AFAP1: variants seen among roughly 807,000 people sequenced by gnomAD.
AFAP1 encodes actin filament associated protein 1, also known as actin filament-associated protein 1.
AFAP1 carries 75 observed loss-of-function variants against 93.9 expected under a neutral mutation model. The ratio of observed to expected loss-of-function variants is 0.80; its 90% CI spans 0.66 to 0.97. The LOEUF is 0.97. Among genes scored for constraint, AFAP1 ranks in the 50% least tolerant of loss-of-function variants. The pLI, the probability that AFAP1 is intolerant of heterozygous loss-of-function variation, is 0.00. For synonymous variants in AFAP1, 517 were observed against 430.7 expected (o/e 1.20, Z -2.48); for missense variants, 1,201 against 1,050.8 (o/e 1.14, Z -1.98).
chr4:7,837,581 T>C (rs1206487355), intron 6 of AFAP1, among the ~76,000 whole-genome samples: 4 of 152,046 alleles, frequency 2.6e-5, no homozygotes, highest in Non-Finnish European at 4.4e-5. Context: ...ATCAGAGCAA[T>C]CCAAGTAGAC....
intron 10 of AFAP1, among the ~76,000 whole-genome samples, 184 bp downstream of exon 10, chr4:7,800,258 A>C (rs6839744): frequency 6.6e-6 from 1 of 151,938 alleles, no homozygotes; most frequent in African/African-American, 2.4e-5. Flanking sequence ...CCAGAAAAAA[A>C]ACTGAGGCAA....
intron 3 of AFAP1, among the ~76,000 whole-genome samples, chr4:7,860,265 TTG>T (rs572302681): frequency 6.6e-6 from 1 of 151,614 alleles, no homozygotes; most frequent in Admixed American, 6.6e-5. Flanking sequence ...GATTTTGATT[TTG>T]TGTGTGTGTG....
chr4:7,891,072 A>T lies in AFAP1; in HGVS notation c.-2-18992T>A, dbSNP rs190907092. 4.6e-5 allele frequency among the ~76,000 whole-genome samples: 7 copies of T among 152,372 alleles called. No homozygotes were observed. The East Asian group carries it at 1.3e-3, about 29-fold the overall frequency. Reference sequence around the variant, plus strand: ...TCACACAATGGAATCTTTTTCAGCAAGAAAAATAAATTACCAAAAAAAAAA... The same window carrying T: ...TCACACAATGGAATCTTTTTCAGCATGAAAAATAAATTACCAAAAAAAAAA... On this transcript the variant is annotated intron_variant, in intron 1 of 17. Transcript: ENST00000420658.
chr4:7,850,254 C>A (rs931415803), intron 4 of AFAP1, among the ~76,000 whole-genome samples: 1 of 152,178 alleles, frequency 6.6e-6, no homozygotes, highest in East Asian at 1.9e-4. Context: ...TCCCTGTGAA[C>A]CTGAAACTCT....
intron 10 of AFAP1, among the ~76,000 whole-genome samples, chr4:7,797,222 C>G (rs1404682076): frequency 1.3e-5 from 2 of 152,272 alleles, no homozygotes; most frequent in South Asian, 4.1e-4. Flanking sequence ...CATTTAGAAA[C>G]TGTCATTATG....
chr4:7,925,422 C>G (rs550334959), intron 1 of AFAP1, among the ~76,000 whole-genome samples: 1 of 152,204 alleles, frequency 6.6e-6, no homozygotes, highest in African/African-American at 2.4e-5. Flanking sequence ...TTAGCAATTA[C>G]GTGGCCTTGG....
chr4:7,762,095 G>A lies in AFAP1; in HGVS notation c.*1670C>T, dbSNP rs73082412. On this transcript the variant is annotated 3_prime_UTR_variant, in exon 18 of 18. Coordinates refer to ENST00000420658, the MANE Select transcript of AFAP1 (RefSeq NM_001134647.2). ...ACTCAAGCAGCTTCCAATTCGTGTT[G>A]TAAAACTTTTTCTTATACATGGGAG... 6.6e-6 allele frequency: 1 copy of A among 152,234 alleles called. No individual in the cohort carries two copies. Among genetic ancestry groups the A allele is most frequent in the African/African-American group, 2.4e-5 (1 of 41,456 alleles). The allele number at this position is 152,234 out of a possible 1,614,324, so 9.4% of individuals were successfully genotyped here.
intron 3 of AFAP1, among the ~76,000 whole-genome samples, chr4:7,863,225 G>A (rs114696194): frequency 0.029 from 4,343 of 152,264 alleles, 86 homozygotes; most frequent in Middle Eastern, 0.058. Context: ...AAAGCAGCCT[G>A]GGCAACATGG....
intron 4 of AFAP1, among the ~76,000 whole-genome samples, chr4:7,849,933 C>T (rs1048515962): frequency 1.6e-4 from 25 of 152,026 alleles, no homozygotes; most frequent in Non-Finnish European, 5.9e-5. Flanking sequence ...GCTGCTGTGA[C>T]CATGTAAAAG....
chr4:7,780,485 T>A (rs1191823812), intron 13 of AFAP1, among the ~76,000 whole-genome samples: 2 of 152,186 alleles, frequency 1.3e-5, no homozygotes, highest in Non-Finnish European at 2.9e-5. Flanking sequence ...TGGGCTTAGG[T>A]CTTTAGGCAA....
Position 7,774,758 on chromosome 4 carries a change from C to A in AFAP1, c.2043G>T (p.Ala681=). The A allele has an allele frequency of 6.2e-7, 1 of 1,614,190 alleles. No homozygotes were observed. Residue 681 remains alanine (A), a synonymous_variant, in exon 15 of 18, where the codon GCG becomes GCT. Coordinates refer to ENST00000420658, the MANE Select transcript of AFAP1 (RefSeq NM_001134647.2). ...QLRKERKDLR[A]AIEVNAGRKP... ...TCATACCGGCGTTCACTTCAATAGCCGCTCGAAGGTCTTTTCTTTCCTTGC... is the reference window on the plus strand; with the variant it reads ...TCATACCGGCGTTCACTTCAATAGCAGCTCGAAGGTCTTTTCTTTCCTTGC...
At chr4:7,796,329 T>C (rs1718414681) in intron 10 of AFAP1, among the ~76,000 whole-genome samples, 2 of 152,194 alleles carry the variant, frequency 1.3e-5, no homozygotes, top group African/African-American at 2.4e-5. Flanking sequence ...ATGGACTATA[T>C]AATCTCTTTA....
At chr4:7,874,356 CTTTTTT>C (rs869214535) in intron 1 of AFAP1, among the ~76,000 whole-genome samples, 1,897 of 92,356 alleles carry the variant, frequency 0.021, 22 homozygotes, top group Non-Finnish European at 0.026. Flanking sequence ...TTGCCTTTTT[CTTTTTT>C]TTTTTTTTTT....
At chr4:7,850,981 C>A (rs1321167451) in intron 4 of AFAP1, among the ~76,000 whole-genome samples, 1 of 151,168 alleles carries the variant, frequency 6.6e-6, no homozygotes. Flanking sequence ...CGCAAGTGTG[C>A]ACGGCTAATC....
chr4:7,779,993 T>G (rs1181926835), intron 13 of AFAP1, among the ~76,000 whole-genome samples: 1 of 152,138 alleles, frequency 6.6e-6, no homozygotes, highest in Non-Finnish European at 1.5e-5. Flanking sequence ...GAACCATACA[T>G]CAAATGATTC....
intron 6 of AFAP1, among the ~76,000 whole-genome samples, chr4:7,820,807 C>G (rs1371133235): frequency 6.6e-6 from 1 of 152,092 alleles, no homozygotes; most frequent in East Asian, 1.9e-4. Context: ...CTGACAGAGT[C>G]CACTTTCTCA....
Position 7,855,427 on chromosome 4 carries a change from T to C in AFAP1, c.334+39A>G, listed in dbSNP as rs1374585844. 5 of 1,473,786 alleles carry C rather than the reference T, an allele frequency of 3.4e-6. No individual in the cohort carries two copies. The Admixed American group carries it at 9.7e-5, about 29-fold the overall frequency. The allele number at this position is 1,473,786 out of a possible 1,614,324, so 91.3% of individuals were successfully genotyped here. A position where few individuals can be genotyped will look rare whatever the true frequency, so the allele number is the denominator to read the frequency against. ...ACAGGCTCTGCAACAGTCCTGCCAA[T>C]CACAAAGGCAGCATGGCTGGGCAGG... On this transcript the variant is annotated intron_variant, in intron 4 of 17. Transcript: ENST00000420658.
intron 1 of AFAP1, among the ~76,000 whole-genome samples, chr4:7,918,528 G>T: frequency 7.6e-6 from 1 of 132,090 alleles, no homozygotes; most frequent in East Asian, 2.6e-4. Context: ...GAGACACTCG[G>T]CCCAGGTCAC....
At chr4:7,765,645 A>C (rs893411815) in intron 17 of AFAP1, among the ~76,000 whole-genome samples, 1 of 152,208 alleles carries the variant, frequency 6.6e-6, no homozygotes, top group Non-Finnish European at 1.5e-5. Context: ...AGAGGAGGCA[A>C]AAGAGCAGAC....
Sources: gnomAD v4.1 joint callset for allele counts (sites outside exome capture counted in the v4.1 genomes callset) on GRCh38, gnomAD v4.1.1 for gene constraint, MANE v1.5 for transcripts, NCBI Gene and HGNC (gene_info 2026-07-23, HGNC 2026-07-21) for gene names.